Variants in PRKCZ observed in about 807,000 individuals in gnomAD.
The protein encoded by PRKCZ is protein kinase C zeta type.
Under a neutral mutation model 79.5 loss-of-function variants are expected in PRKCZ, and 33 were observed. The observed-to-expected ratio is 0.41, with a 90% CI of 0.31 to 0.55. PRKCZ has a LOEUF of 0.55. Ranked by LOEUF, PRKCZ falls within the 20% of genes least tolerant of loss-of-function variation. The pLI is 0.19. For synonymous variants in PRKCZ, 342 were observed against 320.9 expected (o/e 1.07, Z -0.70); for missense variants, 578 against 813.5 (o/e 0.71, Z 3.52).
rs1557612831 is a variant in PRKCZ, at chr1:2,121,667, C to CACG, written c.335-13595_335-13594insACG. 1.5e-4 allele frequency among the ~76,000 whole-genome samples: 16 copies of CACG among 109,672 alleles called. 2 individuals are homozygous for CACG. Among genetic ancestry groups the CACG allele is most frequent in the Admixed American group, 1.9e-4 (2 of 10,398 alleles). The allele number at this position is 109,672 out of a possible 152,430, so 71.9% of individuals were successfully genotyped here. A position where few individuals can be genotyped will look rare whatever the true frequency, so the allele number is the denominator to read the frequency against. On this transcript the variant is annotated intron_variant, in intron 4 of 17. Transcript: ENST00000378567. ...TTAGGGTCACGGTGGTGGTTAGGGT[C>CACG]GTGGTGGTGGTTAGGGTCACGGTGG...
intron 4 of PRKCZ, chr1:2,133,538 A>C (rs1571700342): frequency 1.5e-4 from 2 of 13,684 alleles, no homozygotes; most frequent in Admixed American, 1.1e-3. Flanking sequence ...CACCCCCCCC[A>C]GCTGTGCATC....
intron 16 of PRKCZ, among the ~76,000 whole-genome samples, chr1:2,180,541 C>T (rs1267398793): frequency 2.0e-5 from 3 of 150,916 alleles, no homozygotes; most frequent in African/African-American, 4.9e-5. Context: ...GACGCACGGA[C>T]GACGTGGATG....
intron 10 of PRKCZ, among the ~76,000 whole-genome samples, chr1:2,166,706 G>A (rs1298245183): frequency 6.6e-6 from 1 of 152,140 alleles, no homozygotes; most frequent in Non-Finnish European, 1.5e-5. Flanking sequence ...GGCGAGTGTG[G>A]CTACCAGGAC....
intron 5 of PRKCZ, among the ~76,000 whole-genome samples, chr1:2,137,862 C>T (rs1676534845): frequency 6.6e-6 from 1 of 152,188 alleles, no homozygotes; most frequent in South Asian, 2.1e-4. Context: ...CCCCGCTCTG[C>T]TGTGGAGGTA....
intron 4 of PRKCZ, among the ~76,000 whole-genome samples, chr1:2,114,669 G>T (rs1156575763): frequency 6.6e-6 from 1 of 152,200 alleles, no homozygotes; most frequent in African/African-American, 2.4e-5. Context: ...AGCTGCTCGG[G>T]AGGCTGAGGC....
intron 11 of PRKCZ, among the ~76,000 whole-genome samples, chr1:2,170,270 G>C (rs1010265397): frequency 3.3e-5 from 5 of 152,138 alleles, no homozygotes; most frequent in African/African-American, 1.2e-4. Flanking sequence ...GCATGGTTCA[G>C]GAGCCTCCCC....
At chr1:2,110,320 G>T (rs1272973157) in intron 4 of PRKCZ, among the ~76,000 whole-genome samples, 1 of 152,238 alleles carries the variant, frequency 6.6e-6, no homozygotes, top group Non-Finnish European at 1.5e-5. Context: ...CTCCAGCGGG[G>T]GCCCCGGGCG....
chr1:2,114,699 G>A (rs1049770699), intron 4 of PRKCZ, among the ~76,000 whole-genome samples: 4 of 152,074 alleles, frequency 2.6e-5, no homozygotes, highest in African/African-American at 4.8e-5. Flanking sequence ...GCTTGAACCC[G>A]GGAGGTGGAG....
chr1:2,115,171 C>T (rs1015582850), intron 4 of PRKCZ, among the ~76,000 whole-genome samples: 3 of 152,250 alleles, frequency 2.0e-5, no homozygotes, highest in African/African-American at 7.2e-5. Flanking sequence ...GCCGCTCAGT[C>T]GGGCCCCTGT....
rs1685119291 is a variant in PRKCZ at position 2,174,747 on chromosome 1, C to T, written c.1406-7C>T. ...AGGCAAGTCCTCACCAGGCTCCGCC[C>T]TTGCAGTGATCCTGGAGAAGCCCAT... On this transcript the variant is annotated splice_region_variant and splice_polypyrimidine_tract_variant and intron_variant, in intron 14 of 17. Coordinates refer to ENST00000378567, the MANE Select transcript of PRKCZ (RefSeq NM_002744.6). This position sits in a 1 kb window ranked among gnomAD's most constrained non-coding sequence, Gnocchi z 6.2. The T allele has an allele frequency of 1.9e-6, 3 of 1,613,782 alleles. No individual in the cohort carries two copies. The highest frequency in any genetic ancestry group is 1.3e-5 in the African/African-American group (1 of 74,948).
intron 6 of PRKCZ, 160 bp downstream of exon 6, chr1:2,144,501 T>C: frequency 7.0e-7 from 1 of 1,437,392 alleles, no homozygotes; most frequent in Non-Finnish European, 9.1e-7. Context: ...GCGGCAGTCT[T>C]GGATAGGACC....
chr1:2,153,968 G>A (rs1680418611), intron 9 of PRKCZ, among the ~76,000 whole-genome samples: 1 of 152,188 alleles, frequency 6.6e-6, no homozygotes, highest in Non-Finnish European at 1.5e-5. Context: ...CCTTCCCACC[G>A]ATTCTGCAGC....
chr1:2,070,472 A>G (rs1236509431), intron 4 of PRKCZ, among the ~76,000 whole-genome samples: 1 of 152,080 alleles, frequency 6.6e-6, no homozygotes, highest in Admixed American at 6.5e-5. Context: ...CTCTGGGTAT[A>G]TTCCCTGCTC....
intron 10 of PRKCZ, among the ~76,000 whole-genome samples, chr1:2,159,793 A>T (rs1681850054): frequency 6.6e-6 from 1 of 152,228 alleles, no homozygotes; most frequent in African/African-American, 2.4e-5. Context: ...CTACACAGAC[A>T]GCCCACCTTT....
chr1:2,062,431 C>G (rs1316092496), intron 4 of PRKCZ, among the ~76,000 whole-genome samples: 1 of 150,062 alleles, frequency 6.7e-6, no homozygotes, highest in Non-Finnish European at 1.5e-5. Flanking sequence ...CGCTGCAGAT[C>G]TTTTTTCTAT....
intron 4 of PRKCZ, among the ~76,000 whole-genome samples, chr1:2,107,080 G>T (rs1002563489): frequency 6.6e-6 from 1 of 152,272 alleles, no homozygotes; most frequent in African/African-American, 2.4e-5. Flanking sequence ...AAAGTTAAAA[G>T]AAGGCCTGTG....
At chr1:2,175,942 G>A (rs1384700772) in intron 16 of PRKCZ, among the ~76,000 whole-genome samples, 6 of 152,160 alleles carry the variant, frequency 3.9e-5, no homozygotes, top group Non-Finnish European at 7.4e-5. Flanking sequence ...GGCCGGCCTA[G>A]AGAAGGGCGT....
chr1:2,133,492 AC>A (rs1196802798), intron 4 of PRKCZ: 1 of 8,560 alleles, frequency 1.2e-4, no homozygotes, highest in East Asian at 3.6e-3. Context: ...CCTTGGTTCC[AC>A]CCCCCTCCCC....
chr1:2,158,416 C>T (rs1054572548), intron 10 of PRKCZ, among the ~76,000 whole-genome samples: 2 of 152,238 alleles, frequency 1.3e-5, no homozygotes, highest in Admixed American at 6.5e-5. Flanking sequence ...TGTGCTTCAG[C>T]GTGGCGCCCT....
Sources: gnomAD v4.1 joint callset for allele counts (sites outside exome capture counted in the v4.1 genomes callset) on GRCh38, gnomAD v4.1.1 for gene constraint, Gnocchi (gnomAD v3.1) non-coding constraint, MANE v1.5 for transcripts, NCBI Gene and HGNC (gene_info 2026-07-23, HGNC 2026-07-21) for gene names.